The following HTR4 variants were observed in gnomAD, a reference collection of about 807,000 sequenced individuals.
HTR4 encodes the protein 5-hydroxytryptamine (serotonin) receptor 4, G protein-coupled.
Under a neutral mutation model 36.8 loss-of-function variants are expected in HTR4, and 16 were observed. That is an observed-to-expected ratio of 0.43 (90% CI 0.29 to 0.66). HTR4 has a LOEUF of 0.66. Ranked by LOEUF, HTR4 falls within the 30% of genes least tolerant of loss-of-function variation. HTR4 has a pLI of 0.13. For synonymous variants in HTR4, 189 were observed against 185.1 expected, an observed-to-expected ratio of 1.02 and a Z score of -0.17; for missense variants, 438 against 490.9, an observed-to-expected ratio of 0.89 and a Z score of 1.02.
At chr5:148,546,186 G>A (rs920766025) in intron 4 of HTR4, among the ~76,000 whole-genome samples, 1 of 152,154 alleles carries the variant, frequency 6.6e-6, no homozygotes, top group African/African-American at 2.4e-5. Flanking sequence ...AAGATCATGA[G>A]TTGTATGGCT....
At chr5:148,635,455 G>A (rs778209394) in intron 2 of HTR4, among the ~76,000 whole-genome samples, 43 of 152,212 alleles carry the variant, frequency 2.8e-4, no homozygotes, top group African/African-American at 3.9e-4. Flanking sequence ...ATTCTGGGGC[G>A]TGATATCATC....
intron 2 of HTR4, among the ~76,000 whole-genome samples, chr5:148,610,154 CT>C (rs761183317): frequency 1.3e-5 from 2 of 151,978 alleles, no homozygotes; most frequent in Non-Finnish European, 2.9e-5. Flanking sequence ...TTCTTCAGCC[CT>C]CATAGTCTTG....
chr5:148,481,482 C>T (rs1755879997), downstream of HTR4: 1 of 1,273,846 alleles, frequency 7.9e-7, no homozygotes, highest in Non-Finnish European at 1.1e-6. Flanking sequence ...ATTTTCCTTC[C>T]CTAAAACATG....
chr5:148,499,058 G>C (rs773847630), intron 6 of HTR4, among the ~76,000 whole-genome samples: 1 of 152,158 alleles, frequency 6.6e-6, no homozygotes, highest in Non-Finnish European at 1.5e-5. Flanking sequence ...TAAGTGGCTG[G>C]ACAAGGCTGA....
At chr5:148,604,775 G>A (rs1752076840) in intron 2 of HTR4, among the ~76,000 whole-genome samples, 1 of 152,230 alleles carries the variant, frequency 6.6e-6, no homozygotes, top group African/African-American at 2.4e-5. Context: ...ATGATTCAAT[G>A]TATATGAAAT....
At chr5:148,600,589 C>A (rs552595644) in intron 2 of HTR4, among the ~76,000 whole-genome samples, 2 of 151,228 alleles carry the variant, frequency 1.3e-5, no homozygotes, top group African/African-American at 4.8e-5. Flanking sequence ...AAGAAACTAT[C>A]CAGAAAAAAC....
chr5:148,488,600 A>T (rs762308517), intron 6 of HTR4, among the ~76,000 whole-genome samples: 3 of 151,796 alleles, frequency 2.0e-5, no homozygotes, highest in Non-Finnish European at 4.4e-5. Flanking sequence ...GTGATATGAT[A>T]AAAAAAAATC....
rs776889456 is a variant in HTR4, at chr5:148,509,947, G to C, written c.585C>G (p.Thr195=). 3.1e-6 allele frequency: 5 copies of C among 1,613,632 alleles called. No homozygotes were observed. Among genetic ancestry groups the C allele is most frequent in the Admixed American group, 3.3e-5 (2 of 59,970 alleles). Residue 195 remains threonine, a synonymous_variant, in exon 6 of 7, where the codon ACC becomes ACG. Coordinates refer to ENST00000377888, the MANE Select transcript of HTR4 (RefSeq NM_000870.7). ...GGATGTAGAAGGCCACCACAGAGCA[G>C]GTGATGGCGTAGGGCTTGTTGACCA... ...VFMVNKPYAI[T]CSVVAFYIPF...
intron 2 of HTR4, among the ~76,000 whole-genome samples, chr5:148,615,541 GA>G (rs1222207766): frequency 2.7e-3 from 244 of 91,426 alleles, no homozygotes; most frequent in South Asian, 6.6e-3. Flanking sequence ...GGGGTGGGGG[GA>G]GGGGGGAGGG....
chr5:148,514,646 GA>G (rs1757649375), intron 5 of HTR4, among the ~76,000 whole-genome samples: 1 of 152,076 alleles, frequency 6.6e-6, no homozygotes, highest in East Asian at 1.9e-4. Flanking sequence ...AAGATATGAA[GA>G]ATAGACACCT....
At chr5:148,524,751 T>A (rs571969427) in intron 4 of HTR4, among the ~76,000 whole-genome samples, 81 of 152,348 alleles carry the variant, frequency 5.3e-4, no homozygotes, top group African/African-American at 1.9e-3. Context: ...ACCACCCTCA[T>A]ACACCCCTCA....
chr5:148,638,291 C>T (rs1157007178), intron 1 of HTR4, among the ~76,000 whole-genome samples: 4 of 152,230 alleles, frequency 2.6e-5, no homozygotes, highest in African/African-American at 9.6e-5. Flanking sequence ...TCTGAGCCCC[C>T]TCCCCTAATC....
At chr5:148,499,281 T>A (rs1756829493) in intron 6 of HTR4, among the ~76,000 whole-genome samples, 1 of 152,156 alleles carries the variant, frequency 6.6e-6, no homozygotes, top group Admixed American at 6.5e-5. Context: ...TCTGGAATAA[T>A]GTTAGGTTTC....
intron 4 of HTR4, among the ~76,000 whole-genome samples, chr5:148,537,777 G>A (rs1016051860): frequency 3.3e-5 from 5 of 152,012 alleles, no homozygotes; most frequent in Admixed American, 3.3e-4. Flanking sequence ...CACACCTGAT[G>A]GATTCACAGC....
At chr5:148,453,686 G>A (rs1755028727) in intron 5 of HTR4, among the ~76,000 whole-genome samples, 1 of 152,176 alleles carries the variant, frequency 6.6e-6, no homozygotes, top group Admixed American at 6.5e-5. Flanking sequence ...AGGGCCAAGT[G>A]GGCGGGGGTG....
At chr5:148,630,778 T>C (rs1046597648) in intron 2 of HTR4, among the ~76,000 whole-genome samples, 12 of 152,280 alleles carry the variant, frequency 7.9e-5, no homozygotes, top group Admixed American at 5.9e-4. Flanking sequence ...ATTTTACCTA[T>C]GTTTTTCTGA....
In HTR4 at chr5:148,643,965, T is replaced by C. The variant is rs565165840; in HGVS notation, c.-47-6904A>G. ...GGAATGCAATGAGAACAGAACTAAC[T>C]AAGGGGCTGTTTATTGCAGAGCAAT... On this transcript the variant is annotated intron_variant, in intron 1 of 6. Transcript: ENST00000377888. 7.9e-5 allele frequency among the ~76,000 whole-genome samples: 12 copies of C among 152,264 alleles called. No homozygotes were observed. In the East Asian group the frequency reaches 2.3e-3, roughly 29 times the overall value.
chr5:148,466,275 G>A (rs1365628077), intron 5 of HTR4, among the ~76,000 whole-genome samples: 1 of 152,140 alleles, frequency 6.6e-6, no homozygotes, highest in Non-Finnish European at 1.5e-5. Context: ...TGTCTATGTT[G>A]AAGGATCTTT....
intron 5 of HTR4, chr5:148,465,770 A>G (rs1225605047): frequency 1.1e-5 from 17 of 1,539,712 alleles, no homozygotes; most frequent in Middle Eastern, 1.8e-4. Flanking sequence ...AGAAGTATAA[A>G]CAGACACTTA....
Sources: gnomAD v4.1 joint callset for allele counts (sites outside exome capture counted in the v4.1 genomes callset) on GRCh38, gnomAD v4.1.1 for gene constraint, MANE v1.5 for transcripts, NCBI Gene and HGNC (gene_info 2026-07-23, HGNC 2026-07-21) for gene names.